MARCHF8: variants seen among roughly 807,000 people sequenced by gnomAD.
MARCHF8 encodes membrane associated ring-CH-type finger 8.
MARCHF8 carries 40 observed loss-of-function variants against 51.6 expected under a neutral mutation model. The ratio of observed to expected loss-of-function variants is 0.77; its 90% CI spans 0.60 to 1.01. The LOEUF is 1.01. MARCHF8 is among the 50% of genes least tolerant of loss of function. The pLI is 0.00. For synonymous variants in MARCHF8, 263 were observed against 280.3 expected, an observed-to-expected ratio of 0.94 and a Z score of 0.62; for missense variants, 685 against 708.6, an observed-to-expected ratio of 0.97 and a Z score of 0.38.
At chr10:45,530,430 T>C (rs1476201353) in intron 2 of MARCHF8, among the ~76,000 whole-genome samples, 1 of 152,180 alleles carries the variant, frequency 6.6e-6, no homozygotes, top group African/African-American at 2.4e-5. Context: ...AAATACTCCA[T>C]CCTAGCTTAA....
chr10:45,512,826 G>GAAAAGAT (rs1253549458), intron 2 of MARCHF8, among the ~76,000 whole-genome samples: 1 of 152,116 alleles, frequency 6.6e-6, no homozygotes, highest in East Asian at 1.9e-4. Context: ...GATGGTTGCC[G>GAAAAGAT]TGTCTGTGTA....
chr10:45,542,265 T>C (rs916061539), intron 1 of MARCHF8, among the ~76,000 whole-genome samples: 1 of 143,598 alleles, frequency 7.0e-6, no homozygotes, highest in African/African-American at 2.6e-5. Flanking sequence ...GAGAATGGTG[T>C]GAACCTGGGA....
At chr10:45,533,049 G>A in intron 2 of MARCHF8, 61 bp downstream of exon 2, 5 of 1,370,542 alleles carry the variant, frequency 3.6e-6, no homozygotes, top group Non-Finnish European at 4.9e-6. Context: ...CACTGTTCTA[G>A]GTCATCTTTA....
chr10:45,578,850 A>T (rs1210732023), intron 1 of MARCHF8, among the ~76,000 whole-genome samples: 1 of 152,206 alleles, frequency 6.6e-6, no homozygotes, highest in African/African-American at 2.4e-5. Context: ...GGGACATTCT[A>T]AAAAAATAAC....
At chr10:45,511,126 G>C (rs1480317655) in intron 2 of MARCHF8, among the ~76,000 whole-genome samples, 1 of 152,084 alleles carries the variant, frequency 6.6e-6, no homozygotes, top group African/African-American at 2.4e-5. Flanking sequence ...TTTTCCAAAT[G>C]CTTTCTCCAT....
rs2043917836 is a variant in MARCHF8 at position 45,533,233 on chromosome 10, C to T, written c.-22G>A. ...TCATCCCAACCTCTTATCTGGTCGT[C>T]TTCTTCACAGAAGAGAGTCTCCACT... On this transcript the variant is annotated 5_prime_UTR_variant, in exon 2 of 8. Coordinates refer to ENST00000453424, the MANE Select transcript of MARCHF8 (RefSeq NM_001282866.2). 1.3e-6 allele frequency: 2 copies of T among 1,593,360 alleles called. No homozygotes were observed. The highest frequency in any genetic ancestry group is 4.5e-5 in the East Asian group (2 of 44,604).
At chr10:45,532,831 A>G (rs938375346) in intron 2 of MARCHF8, among the ~76,000 whole-genome samples, 1 of 152,244 alleles carries the variant, frequency 6.6e-6, no homozygotes, top group Non-Finnish European at 1.5e-5. Context: ...TGTTCTGAGA[A>G]TCCAAAGAAC....
At chr10:45,590,876 T>G (rs10793619) in intron 1 of MARCHF8, among the ~76,000 whole-genome samples, 47,460 of 152,072 alleles carry the variant, frequency 0.31, 7,608 homozygotes, top group Admixed American at 0.36. Context: ...TGACCTGCAC[T>G]TATACATCCA....
rs373816944 is a variant in MARCHF8 at position 45,461,339 on chromosome 10, G to A, written c.1161C>T (p.Phe387=). 8 of 1,607,942 alleles carry A rather than the reference G, an allele frequency of 5.0e-6. No homozygotes were observed. The highest frequency in any genetic ancestry group is 3.4e-5 in the Admixed American group (2 of 58,940). The change falls in exon 6 of 8, where the codon TTC becomes TTT. Residue 387 remains phenylalanine, a synonymous_variant. Transcript: ENST00000453424. The part of the protein sequence containing the change: ...TPCHCTGSLH[F]VHQACLQQWI... ...ACTGCTGCAGGCAGGCCTGGTGCAC[G>A]AAGTGGAGGCTTCCTGTGCAGTGGC... is the stretch of plus-strand genomic sequence containing the variant.
chr10:45,567,072 C>T (rs1026035945), intron 1 of MARCHF8, among the ~76,000 whole-genome samples: 1 of 152,184 alleles, frequency 6.6e-6, no homozygotes, highest in African/African-American at 2.4e-5. Context: ...ACTTGTACAT[C>T]TTCTTTTGAG....
chr10:45,472,203 C>T (rs1479605984), intron 3 of MARCHF8, among the ~76,000 whole-genome samples: 5 of 152,204 alleles, frequency 3.3e-5, no homozygotes, highest in South Asian at 2.1e-4. Flanking sequence ...ATGATGGCCC[C>T]TCCTCCTTTC....
chr10:45,466,652 C>T (rs1842978690), intron 3 of MARCHF8, among the ~76,000 whole-genome samples: 1 of 152,102 alleles, frequency 6.6e-6, no homozygotes, highest in African/African-American at 2.4e-5. Context: ...CTTGGAACCA[C>T]GTGTACTTTC....
intron 2 of MARCHF8, among the ~76,000 whole-genome samples, chr10:45,499,378 C>G (rs2043235311): frequency 6.6e-6 from 1 of 152,148 alleles, no homozygotes; most frequent in African/African-American, 2.4e-5. Context: ...CTCCCATTCC[C>G]TAAGTGGCCT....
intron 3 of MARCHF8, among the ~76,000 whole-genome samples, chr10:45,475,890 G>A (rs1035339284): frequency 6.6e-6 from 1 of 152,142 alleles, no homozygotes; most frequent in African/African-American, 2.4e-5. Context: ...TGGTATCCCT[G>A]TCCCCAGCAA....
chr10:45,566,054 G>T (rs191332168), intron 1 of MARCHF8, among the ~76,000 whole-genome samples: 1 of 152,200 alleles, frequency 6.6e-6, no homozygotes, highest in Non-Finnish European at 1.5e-5. Context: ...ACACTTGAGG[G>T]TCATTTTAAA....
At chr10:45,573,536 T>C (rs2044455276) in intron 1 of MARCHF8, among the ~76,000 whole-genome samples, 1 of 152,150 alleles carries the variant, frequency 6.6e-6, no homozygotes, top group Admixed American at 6.5e-5. Flanking sequence ...AAGCCCGGGA[T>C]TCCTCCTAAG....
chr10:45,579,009 G>T lies in MARCHF8; in HGVS notation c.-79+15226C>A, dbSNP rs118108917. Among the ~76,000 whole-genome samples the T allele has an allele frequency of 4.1e-4, 63 of 152,256 alleles. No individual in the cohort carries two copies. The East Asian group carries it at 0.012, about 28-fold the overall frequency. Reference sequence around the variant, plus strand: ...CATGGAAAACAAAAGGGCAATAAAGGACATTATAGGGACAACTGTTGAAAC... The same window carrying T: ...CATGGAAAACAAAAGGGCAATAAAGTACATTATAGGGACAACTGTTGAAAC... On this transcript the variant is annotated intron_variant, in intron 1 of 6. Coordinates refer to the MARCHF8 transcript ENST00000319836.
rs145996209 is a variant in MARCHF8 at position 45,510,770 on chromosome 10, G to C, written c.103-21353C>G. On this transcript the variant is annotated intron_variant, in intron 2 of 7. Coordinates refer to ENST00000453424, the MANE Select transcript of MARCHF8 (RefSeq NM_001282866.2). ...AACAACCAAGCACAAGACCATAACA[G>C]CCACACATTTGTTCTAAGCCATTCA... 2.0e-3 allele frequency among the ~76,000 whole-genome samples: 311 copies of C among 152,196 alleles called. 1 individual carries two copies. The highest frequency in any genetic ancestry group is 7.1e-3 in the African/African-American group (293 of 41,518).
chr10:45,506,187 C>T lies in MARCHF8; in HGVS notation c.103-16770G>A, dbSNP rs118129730. Among the ~76,000 whole-genome samples the T allele has an allele frequency of 5.5e-4, 83 of 152,194 alleles. No individual in the cohort carries two copies. The East Asian group carries it at 0.014, about 26-fold the overall frequency. ...AAATAAGGAGGTTGAAGATCTAACA[C>T]TTTCAAGAAACCAATTATTGAGCTG... On this transcript the variant is annotated intron_variant, in intron 2 of 7. Transcript: ENST00000453424.
Sources: gnomAD v4.1 joint callset for allele counts (sites outside exome capture counted in the v4.1 genomes callset) on GRCh38, gnomAD v4.1.1 for gene constraint, MANE v1.5 for transcripts, NCBI Gene and HGNC (gene_info 2026-07-23, HGNC 2026-07-21) for gene names.